Variants in MARCHF3 observed in about 807,000 individuals in gnomAD.
The protein encoded by MARCHF3 is membrane associated ring-CH-type finger 3, also known as E3 ubiquitin-protein ligase MARCHF3.
In MARCHF3, 13 loss-of-function variants were observed where a neutral mutation model predicts 24.2. That is an observed-to-expected ratio of 0.54 (90% CI 0.35 to 0.85). The LOEUF is 0.85. Among genes scored for constraint, MARCHF3 ranks in the 40% least tolerant of loss-of-function variants. The pLI is 0.01. For synonymous variants in MARCHF3, 144 were observed against 137.3 expected (o/e 1.05, Z -0.34); for missense variants, 276 against 325.0 (o/e 0.85, Z 1.16).
intron 1 of MARCHF3, among the ~76,000 whole-genome samples, chr5:127,004,532 C>A (rs200485000): frequency 0.02 from 3,091 of 152,174 alleles, 72 homozygotes; most frequent in South Asian, 0.11. Context: ...TAGGTTCAGC[C>A]TTTGGGGAAG....
At chr5:126,904,419 C>T (rs1383225151) in intron 3 of MARCHF3, among the ~76,000 whole-genome samples, 1 of 147,808 alleles carries the variant, frequency 6.8e-6, no homozygotes, top group African/African-American at 2.5e-5. Context: ...AACTAGTTTA[C>T]AGTCCCACCA....
chr5:126,902,044 A>G (rs1255588348), intron 3 of MARCHF3, among the ~76,000 whole-genome samples: 1 of 152,094 alleles, frequency 6.6e-6, no homozygotes, highest in Non-Finnish European at 1.5e-5. Context: ...AATTGTTTGT[A>G]CATTTGGAGT....
intron 1 of MARCHF3, among the ~76,000 whole-genome samples, chr5:126,945,132 A>G (rs1749966119): frequency 6.6e-6 from 1 of 152,216 alleles, no homozygotes; most frequent in South Asian, 2.1e-4. Flanking sequence ...GTGGTGTGCC[A>G]CAGCCAGCTC....
rs531673114 is a variant in MARCHF3 at position 126,869,635 on chromosome 5, A to G, written c.*998T>C. Reference sequence around the variant, plus strand: ...ATCTACCTGTCAAGCTAGAAATTCAATAGAGCAATGGGAATGCTAATTGAC... The same window carrying G: ...ATCTACCTGTCAAGCTAGAAATTCAGTAGAGCAATGGGAATGCTAATTGAC... On this transcript the variant is annotated 3_prime_UTR_variant, in exon 5 of 5. Transcript: ENST00000308660. The G allele has an allele frequency of 1.4e-4, 18 of 129,508 alleles. No individual in the cohort carries two copies. The South Asian group carries it at 1.5e-3, about 11-fold the overall frequency. The allele number at this position is 129,508 out of a possible 1,614,324, so 8.0% of individuals were successfully genotyped here.
At position 126,867,924 on chromosome 5, in the gene MARCHF3, A is replaced by C. The variant is rs553775240; in HGVS notation, c.*2709T>G. On this transcript the variant is annotated 3_prime_UTR_variant, in exon 5 of 5. Coordinates refer to ENST00000308660, the MANE Select transcript of MARCHF3 (RefSeq NM_178450.5). ...TCTGGCTTCACTGTGACACACATTT[A>C]TCTCTACATGACATTCTCAAGAAAA... is the stretch of plus-strand genomic sequence containing the variant. The C allele has an allele frequency of 1.3e-5, 2 of 152,180 alleles. No homozygotes were observed. Among genetic ancestry groups the C allele is most frequent in the African/African-American group, 4.8e-5 (2 of 41,436 alleles). The allele number at this position is 152,180 out of a possible 1,614,324, so 9.4% of individuals were successfully genotyped here.
intron 1 of MARCHF3, among the ~76,000 whole-genome samples, chr5:127,016,960 T>C (rs1752654611): frequency 6.6e-6 from 1 of 152,204 alleles, no homozygotes; most frequent in South Asian, 2.1e-4. Flanking sequence ...TCATGTCCTT[T>C]GCAGGGACAT....
intron 1 of MARCHF3, among the ~76,000 whole-genome samples, chr5:126,962,664 G>A (rs1252278736): frequency 6.6e-6 from 1 of 151,962 alleles, no homozygotes; most frequent in Non-Finnish European, 1.5e-5. Context: ...TGTATAAAGT[G>A]TATATGAAAC....
intron 1 of MARCHF3, among the ~76,000 whole-genome samples, chr5:126,966,905 CTTTTTTTTTTTTTTTTTTTTTTTTTTT>C (rs779454094): frequency 3.3e-3 from 15 of 4,502 alleles, no homozygotes; most frequent in Admixed American, 7.2e-3. Flanking sequence ...CTGTGAGAGC[CTTTTTTTTTTTTTTTTTTTTTTTTTTT>C]TTTTTTTTTT....
At chr5:127,019,676 A>G (rs546236629) in intron 1 of MARCHF3, among the ~76,000 whole-genome samples, 1 of 152,330 alleles carries the variant, frequency 6.6e-6, no homozygotes, top group East Asian at 1.9e-4. Context: ...AGAGGCAGAG[A>G]GATGAAAGGA....
intron 1 of MARCHF3, among the ~76,000 whole-genome samples, chr5:126,923,793 A>G (rs911317229): frequency 1.3e-5 from 2 of 152,238 alleles, no homozygotes; most frequent in Admixed American, 1.3e-4. Flanking sequence ...TCTTACTGCA[A>G]TAAAATACAA....
intron 3 of MARCHF3, among the ~76,000 whole-genome samples, chr5:126,911,495 C>T (rs1172458866): frequency 6.6e-6 from 1 of 152,180 alleles, no homozygotes; most frequent in Non-Finnish European, 1.5e-5. Context: ...CCCCGATAAT[C>T]TACATTTTGA....
At chr5:126,906,636 T>C (rs1754308508) in intron 3 of MARCHF3, among the ~76,000 whole-genome samples, 1 of 152,184 alleles carries the variant, frequency 6.6e-6, no homozygotes, top group Admixed American at 6.5e-5. Context: ...TCATGGTAGT[T>C]TGTATTTCTG....
intron 1 of MARCHF3, among the ~76,000 whole-genome samples, chr5:126,976,756 T>C (rs1387042385): frequency 6.6e-6 from 1 of 152,190 alleles, no homozygotes; most frequent in Non-Finnish European, 1.5e-5. Context: ...CCTGGCTCTC[T>C]CTCCCTCTGG....
At chr5:126,974,261 C>CCCT (rs1382328364) in intron 1 of MARCHF3, among the ~76,000 whole-genome samples, 6 of 152,208 alleles carry the variant, frequency 3.9e-5, no homozygotes, top group Admixed American at 1.3e-4. Flanking sequence ...ACCCTTCCCT[C>CCCT]CCTCAAGCAG....
At chr5:126,893,450 C>A (rs539396314) in intron 3 of MARCHF3, among the ~76,000 whole-genome samples, 2 of 151,916 alleles carry the variant, frequency 1.3e-5, no homozygotes, top group East Asian at 3.9e-4. Flanking sequence ...TCCCTCTACA[C>A]ACTGCTTTGA....
At chr5:126,871,973 A>C (rs905644938) in intron 4 of MARCHF3, among the ~76,000 whole-genome samples, 2 of 151,510 alleles carry the variant, frequency 1.3e-5, no homozygotes, top group African/African-American at 4.9e-5. Context: ...AGCCTCCCAA[A>C]GGGCTGGGAT....
rs146657814 is a variant in MARCHF3, at chr5:127,004,389, G to A, written c.-57+25961C>T. On this transcript the variant is annotated intron_variant, in intron 1 of 4. Transcript: ENST00000308660. ...CCTGATACTTGTAGAAAAAAACTCC[G>A]TATCACCTTCAGGAATATTACCAAT... 2.6e-4 allele frequency among the ~76,000 whole-genome samples: 39 copies of A among 152,150 alleles called. 1 individual carries two copies. The highest frequency in any genetic ancestry group is 9.4e-4 in the African/African-American group (39 of 41,488).
intron 1 of MARCHF3, among the ~76,000 whole-genome samples, chr5:127,010,808 T>TGTTG (rs1263854581): frequency 2.0e-5 from 3 of 152,176 alleles, no homozygotes; most frequent in Non-Finnish European, 2.9e-5. Flanking sequence ...TAATGTTGGC[T>TGTTG]ACAAAAGACA....
In MARCHF3 at chr5:126,914,946, G is replaced by A. The variant is rs777203966; in HGVS notation, c.377C>T (p.Pro126Leu). The A allele has an allele frequency of 6.2e-7, 1 of 1,614,144 alleles. No individual in the cohort carries two copies. Among genetic ancestry groups the A allele is most frequent in the Non-Finnish European group, 8.5e-7 (1 of 1,180,022 alleles). The change falls in exon 3 of 5, where the codon CCC becomes CTC. Residue 126 changes from proline (P) to leucine (L), a missense_variant. By Grantham distance (98) the Pro-to-Leu change is moderately conservative (BLOSUM62 -3). Transcript: ENST00000308660. ...CTTACTGACCTCCACTAACGGCCTGGGTTTGCGCTCGACTGCAAACCTGAA... is the reference window on the plus strand; with the variant it reads ...CTTACTGACCTCCACTAACGGCCTGAGTTTGCGCTCGACTGCAAACCTGAA... ...CHFRFAVERK[P>L]RPLVEWLRNP...
Sources: gnomAD v4.1 joint callset for allele counts (sites outside exome capture counted in the v4.1 genomes callset) on GRCh38, gnomAD v4.1.1 for gene constraint, MANE v1.5 for transcripts, NCBI Gene and HGNC (gene_info 2026-07-23, HGNC 2026-07-21) for gene names.